The following GLRB variants were observed in gnomAD, a reference collection of about 807,000 sequenced individuals.
GLRB encodes the protein glycine receptor beta.
A neutral mutation model predicts 54.2 loss-of-function variants in GLRB; 33 were observed. The ratio of observed to expected loss-of-function variants is 0.61; its 90% confidence interval spans 0.46 to 0.81. The LOEUF is 0.81. Ranked by LOEUF, GLRB falls within the 40% of genes least tolerant of loss-of-function variation. The pLI, the probability that GLRB is intolerant of heterozygous loss-of-function variation, is 0.00. For synonymous variants in GLRB, 209 were observed against 208.2 expected, an observed-to-expected ratio of 1.00 and a Z score of -0.03; for missense variants, 572 against 584.6, an observed-to-expected ratio of 0.98 and a Z score of 0.22.
chr4:157,158,791 C>G (rs1031727708), intron 9 of GLRB, among the ~76,000 whole-genome samples: 4 of 152,060 alleles, frequency 2.6e-5, no homozygotes, highest in African/African-American at 9.7e-5. Context: ...GTTCTTTTTG[C>G]TTAGGATTGT....
chr4:157,153,109 G>T, intron 9 of GLRB, 99 bp downstream of exon 9: 4 of 1,062,952 alleles, frequency 3.8e-6, no homozygotes, highest in Non-Finnish European at 5.7e-6. Flanking sequence ...GATGGAATTG[G>T]CATTTGCTTG....
intron 9 of GLRB, among the ~76,000 whole-genome samples, chr4:157,158,809 A>T (rs186906127): frequency 3.3e-4 from 50 of 152,294 alleles, no homozygotes; most frequent in African/African-American, 1.2e-3. Context: ...TGTCTTGGCA[A>T]TGCGGGCTCT....
intron 2 of GLRB, among the ~76,000 whole-genome samples, chr4:157,096,222 A>G (rs1035426020): frequency 6.6e-6 from 1 of 152,194 alleles, no homozygotes; most frequent in African/African-American, 2.4e-5. Flanking sequence ...AGGCCTGGCT[A>G]GGAAAGGAGA....
chr4:157,124,185 G>C (rs1553996057), intron 4 of GLRB, among the ~76,000 whole-genome samples: 1 of 151,702 alleles, frequency 6.6e-6, no homozygotes, highest in Non-Finnish European at 1.5e-5. Flanking sequence ...ACCCATCCCA[G>C]TAGTTAGCCA....
At chr4:157,090,443 T>C (rs540166807) in intron 2 of GLRB, among the ~76,000 whole-genome samples, 3 of 152,328 alleles carry the variant, frequency 2.0e-5, no homozygotes, top group Admixed American at 2.0e-4. Context: ...TTTGTTGTGA[T>C]ATATTGTTTT....
intron 9 of GLRB, among the ~76,000 whole-genome samples, chr4:157,155,671 G>A (rs1211958688): frequency 6.6e-6 from 1 of 152,166 alleles, no homozygotes; most frequent in East Asian, 1.9e-4. Flanking sequence ...CTTTTCCTCT[G>A]TAGGTAAAGT....
chr4:157,097,968 C>G (rs1205257645), intron 2 of GLRB, among the ~76,000 whole-genome samples: 1 of 152,130 alleles, frequency 6.6e-6, no homozygotes, highest in East Asian at 1.9e-4. Flanking sequence ...TTGCAGTGAG[C>G]CGAGATCCTG....
At chr4:157,139,334 T>C (rs948150172) in intron 7 of GLRB, among the ~76,000 whole-genome samples, 2 of 152,076 alleles carry the variant, frequency 1.3e-5, no homozygotes, top group African/African-American at 4.8e-5. Flanking sequence ...CCATTGTCTT[T>C]TGGGTAGTTT....
intron 2 of GLRB, among the ~76,000 whole-genome samples, chr4:157,118,111 C>CA (rs1484142681): frequency 1.3e-5 from 2 of 151,614 alleles, no homozygotes; most frequent in African/African-American, 2.4e-5. Context: ...GTTTGACTGA[C>CA]ACAGCCTACA....
chr4:157,134,276 G>T (rs1235001588), intron 4 of GLRB, among the ~76,000 whole-genome samples: 1 of 151,950 alleles, frequency 6.6e-6, no homozygotes, highest in Non-Finnish European at 1.5e-5. Flanking sequence ...CTAATGAGTG[G>T]CTGAGTATGG....
At chr4:157,168,114 TA>T (rs1485525615) in intron 9 of GLRB, among the ~76,000 whole-genome samples, 3 of 131,152 alleles carry the variant, frequency 2.3e-5, no homozygotes, top group African/African-American at 1.0e-4. Flanking sequence ...AACCAGTTCC[TA>T]TTTTTTTTTT....
chr4:157,121,583 A>G (rs772607078), intron 3 of GLRB, among the ~76,000 whole-genome samples: 2 of 151,600 alleles, frequency 1.3e-5, no homozygotes, highest in Admixed American at 6.6e-5. Context: ...GTTACTTTCA[A>G]CAACAGCCAT....
chr4:157,112,589 C>T (rs1305454508), intron 2 of GLRB, among the ~76,000 whole-genome samples: 1 of 151,872 alleles, frequency 6.6e-6, no homozygotes, highest in Non-Finnish European at 1.5e-5. Context: ...CTTTTGGGAA[C>T]ATGTCTTAAG....
chr4:157,106,842 C>T (rs1735244906), intron 2 of GLRB, among the ~76,000 whole-genome samples: 1 of 152,034 alleles, frequency 6.6e-6, no homozygotes, highest in African/African-American at 2.4e-5. Context: ...TTAATTGAGT[C>T]AGCCAATACC....
intron 2 of GLRB, among the ~76,000 whole-genome samples, chr4:157,093,996 C>T (rs1734715139): frequency 1.3e-5 from 2 of 152,096 alleles, no homozygotes; most frequent in Non-Finnish European, 2.9e-5. Flanking sequence ...TGTCTTTCTG[C>T]CTCAATCTGT....
chr4:157,169,689 T>G (rs1737845493), intron 9 of GLRB, among the ~76,000 whole-genome samples: 1 of 152,144 alleles, frequency 6.6e-6, no homozygotes, highest in Non-Finnish European at 1.5e-5. Flanking sequence ...CCCTTGCAGT[T>G]CAAACCCATG....
intron 7 of GLRB, among the ~76,000 whole-genome samples, chr4:157,142,586 T>G: frequency 6.6e-6 from 1 of 152,182 alleles, no homozygotes; most frequent in East Asian, 1.9e-4. Context: ...TAGGTGCTAT[T>G]AATGAATAAA....
chr4:157,147,297 T>C (rs528293165), intron 8 of GLRB, among the ~76,000 whole-genome samples: 65 of 152,264 alleles, frequency 4.3e-4, no homozygotes, highest in Admixed American at 7.8e-4. Flanking sequence ...GTGAACAAAG[T>C]ATTTCTAGGT....
At chr4:157,138,386 G>T (rs1346726696) in intron 6 of GLRB, among the ~76,000 whole-genome samples, 2 of 152,104 alleles carry the variant, frequency 1.3e-5, no homozygotes, top group Admixed American at 6.6e-5. Context: ...TTTCTTAAAA[G>T]AAATTTAGAT....
Sources: gnomAD v4.1 joint callset for allele counts (sites outside exome capture counted in the v4.1 genomes callset) on GRCh38, gnomAD v4.1.1 for gene constraint, MANE v1.5 for transcripts, NCBI Gene and HGNC (gene_info 2026-07-23, HGNC 2026-07-21) for gene names.